Variants in SLIT3 observed in about 807,000 individuals in gnomAD.
SLIT3 encodes slit homolog 3 protein.
In SLIT3, 68 loss-of-function variants were observed where a neutral mutation model predicts 184.0. The observed-to-expected ratio is 0.37, with a 90% CI of 0.30 to 0.45. The LOEUF is 0.45. Among genes scored for constraint, SLIT3 ranks in the 20% least tolerant of loss-of-function variants. The pLI, the probability that SLIT3 is intolerant of heterozygous loss-of-function variation, is 1.00. For synonymous variants in SLIT3, 831 were observed against 828.6 expected (o/e 1.00, Z -0.05); for missense variants, 1,707 against 2,026.0 (o/e 0.84, Z 3.02).
chr5:169,088,458 G>A (rs1759410008), intron 4 of SLIT3, among the ~76,000 whole-genome samples: 1 of 151,242 alleles, frequency 6.6e-6, no homozygotes, highest in Admixed American at 6.6e-5. Context: ...AAAACAATTG[G>A]CATAAGAATA....
At chr5:169,171,882 T>C (rs1382202475) in intron 4 of SLIT3, among the ~76,000 whole-genome samples, 3 of 152,122 alleles carry the variant, frequency 2.0e-5, no homozygotes, top group Non-Finnish European at 4.4e-5. Context: ...CCTACGGCTA[T>C]TCTCTGCCCC....
At chr5:169,207,251 A>G (rs1764101507) in intron 3 of SLIT3, among the ~76,000 whole-genome samples, 1 of 152,028 alleles carries the variant, frequency 6.6e-6, no homozygotes, top group Admixed American at 6.6e-5. Flanking sequence ...CCAGATGTTC[A>G]CTTACTGAGA....
In SLIT3 at chr5:169,300,296, G is replaced by A. The variant is rs969559405; in HGVS notation, c.197+217C>T. ...GAACCCTCACCCCTGGAGAGGCACT[G>A]CTCTTTGCCCATCGCTGGGGGTTTC... On this transcript the variant is annotated intron_variant, in intron 1 of 35. Coordinates refer to ENST00000519560, the MANE Select transcript of SLIT3 (RefSeq NM_003062.4). The surrounding 1 kb of genome is among the most constrained non-coding windows in gnomAD (Gnocchi z 4.1). 6.6e-6 allele frequency among the ~76,000 whole-genome samples: 1 copy of A among 152,216 alleles called. No individual in the cohort carries two copies. Among genetic ancestry groups the A allele is most frequent in the African/African-American group, 2.4e-5 (1 of 41,466 alleles).
At chr5:169,061,213 G>A (rs964282138) in intron 4 of SLIT3, among the ~76,000 whole-genome samples, 15 of 152,168 alleles carry the variant, frequency 9.9e-5, no homozygotes, top group African/African-American at 3.6e-4. Context: ...CTTAGCCAGG[G>A]TGGAAAATGA....
chr5:168,691,376 G>T (rs1267774478), intron 29 of SLIT3, among the ~76,000 whole-genome samples: 1 of 152,200 alleles, frequency 6.6e-6, no homozygotes, highest in Non-Finnish European at 1.5e-5. Flanking sequence ...GTTCCCTGAA[G>T]TCCTAAGTCT....
At chr5:168,791,147 A>G (rs2113591169) in intron 10 of SLIT3, 1 of 152,394 alleles carries the variant, frequency 6.6e-6, no homozygotes, top group African/African-American at 2.4e-5. Context: ...GCCTATGCAA[A>G]GCATTCCAGA....
At chr5:168,846,711 T>G (rs1425782464) in intron 5 of SLIT3, among the ~76,000 whole-genome samples, 2 of 152,158 alleles carry the variant, frequency 1.3e-5, no homozygotes, top group African/African-American at 4.8e-5. Context: ...TGGCAGTTTG[T>G]GGTGCATTGG....
At chr5:168,997,929 T>C (rs780764136) in intron 4 of SLIT3, among the ~76,000 whole-genome samples, 2 of 152,166 alleles carry the variant, frequency 1.3e-5, no homozygotes, top group Non-Finnish European at 1.5e-5. Flanking sequence ...CCATTCTTCA[T>C]GTGATAACCT....
chr5:169,014,149 A>T (rs1487872320), intron 4 of SLIT3, among the ~76,000 whole-genome samples: 2 of 146,826 alleles, frequency 1.4e-5, no homozygotes, highest in Non-Finnish European at 3.0e-5. Context: ...TTCACTCTTG[A>T]TATCTCAAAG....
intron 4 of SLIT3, among the ~76,000 whole-genome samples, chr5:168,961,263 A>G (rs1762997418): frequency 6.6e-6 from 1 of 152,272 alleles, no homozygotes; most frequent in African/African-American, 2.4e-5. Flanking sequence ...AGGAAGAAAT[A>G]GCCAGCACAT....
Position 168,694,621 on chromosome 5 carries a change from CTT to C in SLIT3, c.3082+1669_3082+1670del, listed in dbSNP as rs1349321412. ...TCTCTCTCTTTCTTTATCTCTCTCT[CTT>C]TCTTTCTTTTTTTGAGACAGAGTTT... is the stretch of plus-strand genomic sequence containing the variant. On this transcript the variant is annotated intron_variant, in intron 28 of 35. Transcript: ENST00000519560. 1.1e-4 allele frequency among the ~76,000 whole-genome samples: 17 copies of C among 152,208 alleles called. No individual in the cohort carries two copies. The East Asian group carries it at 1.9e-3, about 17-fold the overall frequency.
chr5:168,818,872 C>T (rs940639923), intron 7 of SLIT3, among the ~76,000 whole-genome samples: 16 of 152,240 alleles, frequency 1.1e-4, no homozygotes, highest in East Asian at 9.6e-4. Flanking sequence ...GGGCCTTGGC[C>T]GCCGCAGGGG....
intron 23 of SLIT3, chr5:168,720,839 T>C (rs1581003312): frequency 6.6e-6 from 1 of 152,216 alleles, no homozygotes; most frequent in African/African-American, 2.4e-5. Context: ...ACACCGGTGT[T>C]TTGTGGGCCT....
intron 24 of SLIT3, among the ~76,000 whole-genome samples, chr5:168,711,640 G>T (rs1762564286): frequency 6.6e-6 from 1 of 151,994 alleles, no homozygotes; most frequent in African/African-American, 2.4e-5. Flanking sequence ...AATTAAATAT[G>T]CATATAGAAG....
intron 28 of SLIT3, among the ~76,000 whole-genome samples, chr5:168,693,732 C>T (rs1408962459): frequency 6.6e-6 from 1 of 152,122 alleles, no homozygotes; most frequent in Non-Finnish European, 1.5e-5. Context: ...AGAGGGCTGG[C>T]TGCAGGGTAA....
chr5:168,794,817 C>T (rs1027069722), intron 10 of SLIT3, among the ~76,000 whole-genome samples: 8 of 152,174 alleles, frequency 5.3e-5, no homozygotes, highest in African/African-American at 1.9e-4. Flanking sequence ...CTTTCACTTG[C>T]TTTTCCTGCT....
intron 4 of SLIT3, among the ~76,000 whole-genome samples, chr5:169,011,972 G>C (rs1756174950): frequency 6.7e-6 from 1 of 150,336 alleles, no homozygotes; most frequent in Admixed American, 6.6e-5. Flanking sequence ...GTTTAACTAG[G>C]TGTTAGAAGG....
At chr5:168,903,333 T>A (rs1454705766) in intron 4 of SLIT3, among the ~76,000 whole-genome samples, 1 of 152,048 alleles carries the variant, frequency 6.6e-6, no homozygotes, top group Non-Finnish European at 1.5e-5. Flanking sequence ...AAACCTGGTG[T>A]CCCTGGAAGC....
At chr5:168,975,711 G>GA (rs1754731081) in intron 4 of SLIT3, among the ~76,000 whole-genome samples, 1 of 152,044 alleles carries the variant, frequency 6.6e-6, no homozygotes, top group Admixed American at 6.6e-5. Context: ...TTCTTCCCTG[G>GA]ATTTTCCCCT....
Sources: gnomAD v4.1 joint callset for allele counts (sites outside exome capture counted in the v4.1 genomes callset) on GRCh38, gnomAD v4.1.1 for gene constraint, Gnocchi (gnomAD v3.1) non-coding constraint, MANE v1.5 for transcripts, NCBI Gene and HGNC (gene_info 2026-07-23, HGNC 2026-07-21) for gene names.